Variants in SCAP observed in about 807,000 individuals in gnomAD.
SCAP encodes the protein SREBF chaperone, also known as sterol regulatory element-binding protein cleavage-activating protein.
In SCAP, 65 loss-of-function variants were observed where a neutral mutation model predicts 123.6. The ratio of observed to expected loss-of-function variants is 0.53; its 90% CI spans 0.43 to 0.65. SCAP has a LOEUF of 0.65. Ranked by LOEUF, SCAP falls within the 30% of genes least tolerant of loss-of-function variation. The probability of loss-of-function intolerance (pLI) is 0.00; values close to 1 mark genes in which losing one functional copy is unlikely to be tolerated. For missense variants in SCAP, 1,398 were observed against 1,712.5 expected (o/e 0.82, Z 3.24); for synonymous variants, 740 against 726.3 (o/e 1.02, Z -0.30).
chr3:47,438,881 T>C (rs1433375049), intron 2 of SCAP, among the ~76,000 whole-genome samples: 3 of 152,012 alleles, frequency 2.0e-5, no homozygotes, highest in Non-Finnish European at 4.4e-5. Flanking sequence ...CAGAGTATAG[T>C]CAGTTTTTGT....
intron 2 of SCAP, among the ~76,000 whole-genome samples, chr3:47,437,758 T>C (rs922472133): frequency 5.3e-5 from 8 of 151,708 alleles, no homozygotes; most frequent in Admixed American, 4.0e-4. Context: ...AACAAAACAT[T>C]TTGGGCTGGA....
chr3:47,447,160 T>C (rs964038597), intron 1 of SCAP, among the ~76,000 whole-genome samples: 1 of 152,150 alleles, frequency 6.6e-6, no homozygotes, highest in Non-Finnish European at 1.5e-5. Flanking sequence ...TCCCAGCACT[T>C]TGGGAGACCG....
chr3:47,434,046 A>G (rs138591267), intron 3 of SCAP, among the ~76,000 whole-genome samples: 158 of 152,334 alleles, frequency 1.0e-3, no homozygotes, highest in African/African-American at 3.0e-3. Context: ...GCAGAGCCTC[A>G]TGAAGCCAGG....
At chr3:47,454,357 G>A (rs1170522439) in intron 1 of SCAP, among the ~76,000 whole-genome samples, 2 of 151,446 alleles carry the variant, frequency 1.3e-5, no homozygotes, top group Non-Finnish European at 2.9e-5. Context: ...GAAAGAGTGA[G>A]ACTCCGTCAC....
chr3:47,473,998 G>T (rs1708169383), intron 1 of SCAP, among the ~76,000 whole-genome samples: 1 of 152,056 alleles, frequency 6.6e-6, no homozygotes, highest in African/African-American at 2.4e-5. Flanking sequence ...AGGCGCGGTG[G>T]CTCACGCCTG....
At chr3:47,424,078 G>A in intron 8 of SCAP, 33 bp from the exon 9 acceptor site, 1 of 1,534,128 alleles carries the variant, frequency 6.5e-7, no homozygotes, top group Non-Finnish European at 9.0e-7. Flanking sequence ...TGAGGACAGT[G>A]TTGTGGTGGT....
At chr3:47,461,329 C>A (rs1026766748) in intron 1 of SCAP, among the ~76,000 whole-genome samples, 13 of 152,182 alleles carry the variant, frequency 8.5e-5, no homozygotes, top group Admixed American at 4.6e-4. Flanking sequence ...AATTGTAAGG[C>A]CTGCTGTAAG....
chr3:47,435,255 C>T, intron 2 of SCAP, 118 bp from the exon 3 acceptor site: 1 of 1,130,764 alleles, frequency 8.8e-7, no homozygotes, highest in Non-Finnish European at 1.2e-6. Context: ...TACAAATGTG[C>T]AAAATATTAG....
intron 1 of SCAP, among the ~76,000 whole-genome samples, chr3:47,455,967 G>A (rs1382175174): frequency 6.6e-6 from 1 of 152,154 alleles, no homozygotes; most frequent in Non-Finnish European, 1.5e-5. Flanking sequence ...TCCAGGAATA[G>A]ACCAAAATGT....
At position 47,456,394 on chromosome 3, in the gene SCAP, C is replaced by CCCTG. The variant is rs983781513; in HGVS notation, c.-98-13307_-98-13304dup. Among the ~76,000 whole-genome samples, 18 of 151,862 alleles carry CCCTG rather than the reference C, an allele frequency of 1.2e-4. 2 individuals are homozygous for CCCTG. The highest frequency in any genetic ancestry group is 1.1e-3 in the Admixed American group (17 of 15,198). Reference sequence around the variant, plus strand: ...CTCCAGTATGGGCAACAGAATAAGACCCTGCCTCAACATAAAAATAAAAAA... The same window carrying CCCTG: ...CTCCAGTATGGGCAACAGAATAAGACCCTGCCTGCCTCAACATAAAAATAAAAAA... On this transcript the variant is annotated intron_variant, in intron 1 of 22. Transcript: ENST00000265565.
In SCAP at chr3:47,414,829, T is replaced by A. The variant is rs768460492; in HGVS notation, c.3304A>T (p.Arg1102Ter). 6.2e-7 allele frequency: 1 copy of A among 1,605,226 alleles called. No individual in the cohort carries two copies. Among genetic ancestry groups the A allele is most frequent in the South Asian group, 1.1e-5 (1 of 89,538 alleles). Residue 1102 changes from arginine (R) to a stop codon, truncating the protein, a stop_gained and splice_region_variant, in exon 20 of 23, where the codon AGA becomes TGA. Transcript: ENST00000265565. LOFTEE classifies it high-confidence loss of function. Reference protein sequence around the residue: ...LVTGSQDHTLRVFRLEDSCCL... With the variant: ...LVTGSQDHTL The stretch of plus-strand genomic sequence containing the variant: ...CCAAGAGACAAGACAATACTCACTC[T>A]CAGTGTGTGGTCTTGGCTCCCAGTC...
chr3:47,431,411 C>G (rs1041235562), intron 3 of SCAP, among the ~76,000 whole-genome samples: 5 of 151,132 alleles, frequency 3.3e-5, no homozygotes, highest in African/African-American at 1.2e-4. Context: ...TAACCAAAGT[C>G]CAAAGTATAT....
chr3:47,422,604 A>T (rs1198815432), intron 9 of SCAP, 68 bp from the exon 10 acceptor site: 1 of 1,327,634 alleles, frequency 7.5e-7, no homozygotes, highest in African/African-American at 1.5e-5. Context: ...ACACAACCTC[A>T]TGGGCCTCGG....
rs549688033 is a variant in SCAP at position 47,468,572 on chromosome 3, T to C, written c.-99+7227A>G. Among the ~76,000 whole-genome samples the C allele has an allele frequency of 7.9e-5, 12 of 152,328 alleles. 1 individual carries two copies. The South Asian group carries it at 2.5e-3, about 32-fold the overall frequency. ...CCACTTTTTGATAGGGTTGTTTGAT[T>C]TTTTTCTTGTAAATCTGTTTAAGTT... On this transcript the variant is annotated intron_variant, in intron 1 of 22. Coordinates refer to ENST00000265565, the MANE Select transcript of SCAP (RefSeq NM_012235.4).
At position 47,427,204 on chromosome 3, in the gene SCAP, C is replaced by G. The variant is rs1196986761; in HGVS notation, c.690G>C (p.Arg230Ser). ...CCAGGGTGATGGTGTAGGAGACCAT[C>G]CTCTTCCTGGTGTAGAGGCTCACCC... Reference protein sequence around the residue: ...YSGVSLYTRKRMVSYTITLVF... With the variant: ...YSGVSLYTRKSMVSYTITLVF... Residue 230 changes from arginine (R) to serine (S), a missense_variant, in exon 6 of 23, where the codon AGG becomes AGC. Arg to Ser is a moderately radical substitution (Grantham distance 110). Coordinates refer to ENST00000265565, the MANE Select transcript of SCAP (RefSeq NM_012235.4). 6.2e-7 allele frequency: 1 copy of G among 1,613,894 alleles called. No individual in the cohort carries two copies. Among genetic ancestry groups the G allele is most frequent in the South Asian group, 1.1e-5 (1 of 91,062 alleles).
intron 1 of SCAP, among the ~76,000 whole-genome samples, chr3:47,469,008 A>G (rs967729811): frequency 1.3e-5 from 2 of 152,224 alleles, no homozygotes; most frequent in Non-Finnish European, 2.9e-5. Context: ...TGATGGTTGC[A>G]TAACAATGTG....
chr3:47,423,154 A>G (rs533217629), intron 9 of SCAP, among the ~76,000 whole-genome samples: 2 of 152,334 alleles, frequency 1.3e-5, no homozygotes, highest in Admixed American at 1.3e-4. Flanking sequence ...ACGGCTGCCT[A>G]CAGCCCCATT....
chr3:47,435,791 G>A (rs991911777), intron 2 of SCAP, among the ~76,000 whole-genome samples: 4 of 152,156 alleles, frequency 2.6e-5, no homozygotes, highest in African/African-American at 4.8e-5. Flanking sequence ...GGTTATGCCT[G>A]TAACCCCAGC....
chr3:47,424,347 A>T (rs1358648194), intron 8 of SCAP, among the ~76,000 whole-genome samples: 1 of 152,190 alleles, frequency 6.6e-6, no homozygotes, highest in South Asian at 2.1e-4. Flanking sequence ...CCACTGCTAG[A>T]CCACACTTCT....
Sources: allele counts gnomAD v4.1 joint callset (sites outside exome capture counted in the v4.1 genomes callset), GRCh38; gene constraint gnomAD v4.1.1; transcripts MANE v1.5; gene names NCBI Gene and HGNC (gene_info 2026-07-23, HGNC 2026-07-21).